The following ZNF483 variants were observed in gnomAD, a reference collection of about 807,000 sequenced individuals.
ZNF483 encodes the protein zinc finger protein 483.
Under a neutral mutation model 28.6 loss-of-function variants are expected in ZNF483, and 9 were observed. The observed-to-expected ratio is 0.32, with a 90% CI of 0.19 to 0.55. The LOEUF (loss-of-function observed/expected upper bound fraction) is 0.55. ZNF483 is among the 20% of genes least tolerant of loss of function. ZNF483 has a pLI of 0.93. For synonymous variants in ZNF483, 322 were observed against 306.2 expected, an observed-to-expected ratio of 1.05 and a Z score of -0.54; for missense variants, 675 against 871.7, an observed-to-expected ratio of 0.77 and a Z score of 2.84.
At chr9:111,573,510 A>G (rs1037340583) in intron 5 of ZNF483, among the ~76,000 whole-genome samples, 45 of 152,154 alleles carry the variant, frequency 3.0e-4, no homozygotes, top group Non-Finnish European at 2.4e-4. Context: ...CCATTGATTT[A>G]TGGTTGCCTG....
At chr9:111,571,014 G>GTAGCTGGGACTATAGGTGCATGCCAC (rs1176703185) in intron 5 of ZNF483, among the ~76,000 whole-genome samples, 3 of 151,068 alleles carry the variant, frequency 2.0e-5, no homozygotes, top group East Asian at 2.0e-4. Context: ...AATACAGGCA[G>GTAGCTGGGACTATAGGTGCATGCCAC]CTGCTAGAAG....
rs1475927044 is a variant in ZNF483, at chr9:111,542,847, A to G, written c.1912A>G (p.Asn638Asp). Residue 638 changes from asparagine (N) to aspartate (D), a missense_variant, in exon 6 of 6, where the codon AAC becomes GAC. By Grantham distance (23) the Asn-to-Asp change is conservative. This residue lies in a region of ZNF483 where 47 missense variants were observed against 93.5 expected (regional missense o/e 0.50). Transcript: ENST00000309235. This position sits in a 1 kb window ranked among gnomAD's most constrained non-coding sequence, Gnocchi z 6.2. ...LHSGEKPYKC[N>D]QCEKAFPTHS... The stretch of plus-strand genomic sequence containing the variant: ...TTCAGGAGAAAAACCCTACAAATGT[A>G]ACCAGTGTGAGAAAGCCTTCCCAAC... 1 of 1,614,046 alleles carries G rather than the reference A, an allele frequency of 6.2e-7. No homozygotes were observed. The highest frequency in any genetic ancestry group is 1.3e-5 in the African/African-American group (1 of 74,936).
intron 5 of ZNF483, among the ~76,000 whole-genome samples, chr9:111,567,095 A>C (rs1304514428): frequency 6.6e-6 from 1 of 151,554 alleles, no homozygotes; most frequent in African/African-American, 2.4e-5. Flanking sequence ...AAAAAAAAAC[A>C]AAAAAAGTCG....
At chr9:111,573,897 GGCAGGGCACCAGAGAAAT>G (rs1828943173) in intron 5 of ZNF483, among the ~76,000 whole-genome samples, 2 of 152,156 alleles carry the variant, frequency 1.3e-5, no homozygotes, top group South Asian at 4.1e-4. Context: ...TGGAGCGCAT[GGCAGGGCACCAGAGAAAT>G]AAAACAAGGA....
rs928762772 is a variant in ZNF483, at chr9:111,543,441, T to G, written c.*271T>G. ...AAAGCTCTTTTCTTCAGGGGATTTCTCTCTGATTTCTTCTACTACCATGTA... is the reference window on the plus strand; with the variant it reads ...AAAGCTCTTTTCTTCAGGGGATTTCGCTCTGATTTCTTCTACTACCATGTA... On this transcript the variant is annotated 3_prime_UTR_variant, in exon 6 of 6. Coordinates refer to ENST00000309235, the MANE Select transcript of ZNF483 (RefSeq NM_133464.5). 2 of 1,177,988 alleles carry G rather than the reference T, an allele frequency of 1.7e-6. No individual in the cohort carries two copies. The highest frequency in any genetic ancestry group is 2.1e-6 in the Non-Finnish European group (2 of 950,066). 73.0% of individuals were successfully genotyped at this position (1,177,988 alleles called of 1,614,324 possible).
Position 111,543,190 on chromosome 9 carries a change from T to TG in ZNF483, c.*26dup. Reference sequence around the variant, plus strand: ...GAGTAATCCTGGAACTACATTAAAGTGGGGGGAATTTAATTCAAATTGTCA... The same window carrying TG: ...GAGTAATCCTGGAACTACATTAAAGTGGGGGGGAATTTAATTCAAATTGTCA... On this transcript the variant is annotated 3_prime_UTR_variant, in exon 6 of 6. Coordinates refer to ENST00000309235, the MANE Select transcript of ZNF483 (RefSeq NM_133464.5). 2 of 1,561,314 alleles carry TG rather than the reference T, an allele frequency of 1.3e-6. No individual in the cohort carries two copies. The highest frequency in any genetic ancestry group is 8.7e-7 in the Non-Finnish European group (1 of 1,155,452).
intron 5 of ZNF483, among the ~76,000 whole-genome samples, chr9:111,535,019 G>A (rs554723458): frequency 5.9e-5 from 9 of 152,114 alleles, no homozygotes; most frequent in Non-Finnish European, 1.0e-4. Context: ...CACCACGCCC[G>A]GCTGCAGTGC....
chr9:111,563,319 A>AACT, intron 5 of ZNF483: 1 of 1,294,680 alleles, frequency 7.7e-7, no homozygotes. Context: ...TTTATCAGGT[A>AACT]CATCATTGGA....
chr9:111,540,149 T>A (rs968447235), intron 5 of ZNF483, among the ~76,000 whole-genome samples: 12 of 152,132 alleles, frequency 7.9e-5, no homozygotes, highest in Admixed American at 5.2e-4. Flanking sequence ...TTTTAAAAAA[T>A]TTTTTAAAAA....
rs930463483 is a variant in ZNF483, at chr9:111,551,406, T to G, written c.*8236T>G. On this transcript the variant is annotated 3_prime_UTR_variant, in exon 6 of 6. Coordinates refer to ENST00000309235, the MANE Select transcript of ZNF483 (RefSeq NM_133464.5). ...AATCAAGTATCCAGTTTTTGTTTTTTTTTTTTTTTTTTTTTTTTTGAGATG... is the reference window on the plus strand; with the variant it reads ...AATCAAGTATCCAGTTTTTGTTTTTGTTTTTTTTTTTTTTTTTTTGAGATG... 2.2e-4 allele frequency among the ~76,000 whole-genome samples: 30 copies of G among 137,088 alleles called. No homozygotes were observed. Among genetic ancestry groups the G allele is most frequent in the East Asian group, 8.4e-4 (4 of 4,780 alleles). 89.9% of individuals were successfully genotyped at this position (137,088 alleles called of 152,430 possible). A position where few individuals can be genotyped will look rare whatever the true frequency, so the allele number is the denominator to read the frequency against.
At chr9:111,562,967 T>C in intron 5 of ZNF483, 2 of 1,409,492 alleles carry the variant, frequency 1.4e-6, no homozygotes, top group Non-Finnish European at 1.8e-6. Flanking sequence ...CCATCACTAA[T>C]TACATACCAC....
In ZNF483 at chr9:111,552,590, A is replaced by G. The variant is rs373496088; in HGVS notation, c.*9420A>G. Among the ~76,000 whole-genome samples, 42 of 152,312 alleles carry G rather than the reference A, an allele frequency of 2.8e-4. No homozygotes were observed. In the South Asian group the frequency reaches 8.5e-3, roughly 31 times the overall value. On this transcript the variant is annotated 3_prime_UTR_variant, in exon 6 of 6. Coordinates refer to ENST00000309235, the MANE Select transcript of ZNF483 (RefSeq NM_133464.5). ...TTTGACAGATGGAAGATTGTCAAAA[A>G]TATCTGCCATGAGTTTGAGCCTTTA...
chr9:111,576,000 A>C (rs971153277), intron 5 of ZNF483, among the ~76,000 whole-genome samples: 5 of 152,028 alleles, frequency 3.3e-5, no homozygotes, highest in African/African-American at 1.2e-4. Context: ...CAAAAAAAAA[A>C]TACATAAAAA....
intron 5 of ZNF483, among the ~76,000 whole-genome samples, chr9:111,565,206 G>A (rs1466968392): frequency 6.6e-6 from 1 of 152,120 alleles, no homozygotes; most frequent in Non-Finnish European, 1.5e-5. Flanking sequence ...AAGGAGGTTA[G>A]GACATAGACA....
At chr9:111,537,222 G>A (rs1163978375) in intron 5 of ZNF483, among the ~76,000 whole-genome samples, 1 of 151,384 alleles carries the variant, frequency 6.6e-6, no homozygotes, top group Admixed American at 6.6e-5. Flanking sequence ...TTAGCATTAC[G>A]TGGCTTTTTT....
At chr9:111,525,990 T>C (rs1276442139) in intron 1 of ZNF483, among the ~76,000 whole-genome samples, 3 of 152,138 alleles carry the variant, frequency 2.0e-5, no homozygotes, top group Non-Finnish European at 2.9e-5. Context: ...GTGAGGACCC[T>C]TTCAGGCCTG....
intron 2 of ZNF483, among the ~76,000 whole-genome samples, chr9:111,528,701 T>C (rs1444878774): frequency 2.0e-5 from 3 of 152,154 alleles, no homozygotes; most frequent in Admixed American, 6.5e-5. Context: ...GATAGGGAAA[T>C]AAATAGTATT....
rs898774023 is a variant in ZNF483, at chr9:111,543,270, C to T, written c.*100C>T. 13 of 1,457,448 alleles carry T rather than the reference C, an allele frequency of 8.9e-6. No individual in the cohort carries two copies. The highest frequency in any genetic ancestry group is 2.4e-5 in the East Asian group (1 of 41,852). 90.3% of individuals were successfully genotyped at this position (1,457,448 alleles called of 1,614,324 possible). On this transcript the variant is annotated 3_prime_UTR_variant, in exon 6 of 6. Transcript: ENST00000309235. ...AGTATTGATCAGTAGCTGCAGCTTTCGTAAATTGGCAGTTAGGAAAAATAT... is the reference window on the plus strand; with the variant it reads ...AGTATTGATCAGTAGCTGCAGCTTTTGTAAATTGGCAGTTAGGAAAAATAT...
chr9:111,534,154 G>A, intron 4 of ZNF483, 107 bp from the exon 5 acceptor site: 1 of 965,118 alleles, frequency 1.0e-6, no homozygotes, highest in African/African-American at 1.6e-5. Flanking sequence ...TGTGTATTTT[G>A]GTAGCATGTT....
Sources: gnomAD v4.1 joint callset for allele counts (sites outside exome capture counted in the v4.1 genomes callset) on GRCh38, gnomAD v4.1.1 for gene constraint, gnomAD v4.1.1 regional missense constraint, Gnocchi (gnomAD v3.1) non-coding constraint, MANE v1.5 for transcripts, NCBI Gene and HGNC (gene_info 2026-07-23, HGNC 2026-07-21) for gene names.